The following TGFBR3 variants were observed in gnomAD, a reference collection of about 807,000 sequenced individuals.
TGFBR3 encodes transforming growth factor beta receptor 3.
Under a neutral mutation model 87.9 loss-of-function variants are expected in TGFBR3, and 46 were observed. That is an observed-to-expected ratio of 0.52 (90% CI 0.41 to 0.67). TGFBR3 has a LOEUF of 0.67. TGFBR3 is among the 30% of genes least tolerant of loss of function. The pLI, the probability that TGFBR3 is intolerant of heterozygous loss-of-function variation, is 0.00. For synonymous variants in TGFBR3, 381 were observed against 391.6 expected (o/e 0.97, Z 0.32); for missense variants, 866 against 1,041.9 (o/e 0.83, Z 2.32).
At chr1:91,782,812 C>T (rs761862800) in intron 3 of TGFBR3, among the ~76,000 whole-genome samples, 3 of 152,132 alleles carry the variant, frequency 2.0e-5, no homozygotes, top group Non-Finnish European at 2.9e-5. Context: ...CAAGGCACCT[C>T]GGTATGTGCT....
At chr1:91,781,028 C>T (rs1302385902) in intron 3 of TGFBR3, among the ~76,000 whole-genome samples, 1 of 150,768 alleles carries the variant, frequency 6.6e-6, no homozygotes, top group Admixed American at 6.6e-5. Flanking sequence ...ACAAGGCACA[C>T]AACAAGGAGG....
chr1:91,839,429 T>C (rs753640339), intron 2 of TGFBR3, among the ~76,000 whole-genome samples: 2 of 152,224 alleles, frequency 1.3e-5, no homozygotes, highest in Non-Finnish European at 2.9e-5. Flanking sequence ...AATCCTTTGC[T>C]TTCCCCAAAA....
chr1:91,733,025 T>C (rs952493658), intron 5 of TGFBR3, among the ~76,000 whole-genome samples: 1 of 152,224 alleles, frequency 6.6e-6, no homozygotes, highest in African/African-American at 2.4e-5. Context: ...GGCCAGGGCT[T>C]AGAGTCTTTA....
chr1:91,785,113 G>A (rs892995662), intron 3 of TGFBR3, among the ~76,000 whole-genome samples: 4 of 152,082 alleles, frequency 2.6e-5, no homozygotes, highest in Non-Finnish European at 5.9e-5. Flanking sequence ...AACAAAACAT[G>A]GTATAGCCAC....
intron 7 of TGFBR3, among the ~76,000 whole-genome samples, chr1:91,724,248 A>C (rs1432069499): frequency 6.6e-6 from 1 of 152,228 alleles, no homozygotes. Context: ...AGAGGAAGGA[A>C]GGAAGGAAAG....
At chr1:91,718,211 C>T (rs1672243334) in intron 10 of TGFBR3, among the ~76,000 whole-genome samples, 3 of 152,166 alleles carry the variant, frequency 2.0e-5, no homozygotes, top group South Asian at 2.1e-4. Context: ...GTCTTTTTAA[C>T]TTCTTGGAGT....
chr1:91,698,394 G>A (rs1671502442), intron 14 of TGFBR3, among the ~76,000 whole-genome samples: 1 of 151,996 alleles, frequency 6.6e-6, no homozygotes, highest in Non-Finnish European at 1.5e-5. Flanking sequence ...GGGAATTTGG[G>A]TCCGACAATT....
At chr1:91,898,490 G>C (rs957051939) in intron 2 of TGFBR3, among the ~76,000 whole-genome samples, 18 of 152,118 alleles carry the variant, frequency 1.2e-4, no homozygotes, top group African/African-American at 4.3e-4. Flanking sequence ...AGGCTGGAGT[G>C]CAGTGGCGCG....
In TGFBR3 at chr1:91,851,722, G is replaced by A. The variant is rs369682797; in HGVS notation, c.61+9749C>T. Among the ~76,000 whole-genome samples the A allele has an allele frequency of 1.3e-3, 203 of 152,330 alleles. 3 individuals are homozygous for A. The South Asian group carries it at 0.018, about 14-fold the overall frequency. On this transcript the variant is annotated intron_variant, in intron 2 of 16. Transcript: ENST00000212355. ...TGTCTTGATGGAAGTGTTGATCACT[G>A]TAAAACACACCATCACTGCTGTCCT...
intron 2 of TGFBR3, among the ~76,000 whole-genome samples, chr1:91,895,840 C>G (rs903184889): frequency 6.6e-6 from 1 of 152,100 alleles, no homozygotes. Context: ...TGTAAATAGC[C>G]CTGCTGTTCA....
At chr1:91,708,542 A>G in intron 14 of TGFBR3, 121 bp downstream of exon 14, 1 of 1,529,652 alleles carries the variant, frequency 6.5e-7, no homozygotes, top group Non-Finnish European at 9.0e-7. Context: ...TGGTCTTCTA[A>G]AGTAACTAAC....
chr1:91,886,636 T>G (rs1374629769), upstream of TGFBR3, among the ~76,000 whole-genome samples: 1 of 152,182 alleles, frequency 6.6e-6, no homozygotes, highest in Non-Finnish European at 1.5e-5. Context: ...CACAGCCTCT[T>G]GCCCTCTCCC....
chr1:91,854,493 G>A (rs1677863028), intron 2 of TGFBR3, among the ~76,000 whole-genome samples: 1 of 151,996 alleles, frequency 6.6e-6, no homozygotes, highest in South Asian at 2.1e-4. Flanking sequence ...AAGAAACTGT[G>A]ACCACCTCAC....
intron 4 of TGFBR3, among the ~76,000 whole-genome samples, chr1:91,752,976 G>A (rs1170501997): frequency 2.7e-5 from 4 of 148,256 alleles, no homozygotes; most frequent in Admixed American, 1.3e-4. Context: ...ACAGTGAGCC[G>A]AGATCATGCC....
At chr1:91,760,667 T>C (rs1031197723) in intron 3 of TGFBR3, among the ~76,000 whole-genome samples, 2 of 152,216 alleles carry the variant, frequency 1.3e-5, no homozygotes, top group Non-Finnish European at 2.9e-5. Context: ...CATTTTTATA[T>C]CTGGCATAAG....
Position 91,803,271 on chromosome 1 carries a change from T to C in TGFBR3, c.62-5800A>G, listed in dbSNP as rs146288281. 8.2e-3 allele frequency among the ~76,000 whole-genome samples: 1,256 copies of C among 152,290 alleles called. 19 individuals carry two copies. The highest frequency in any genetic ancestry group is 0.028 in the African/African-American group (1,174 of 41,548). On this transcript the variant is annotated intron_variant, in intron 2 of 16. Coordinates refer to ENST00000212355, the MANE Select transcript of TGFBR3 (RefSeq NM_003243.5). ...CCCTATAGCCATCATTCTCCTTTCTTCAAGTGCCAGCTGGACACACAGCCA... is the reference window on the plus strand; with the variant it reads ...CCCTATAGCCATCATTCTCCTTTCTCCAAGTGCCAGCTGGACACACAGCCA...
intron 3 of TGFBR3, among the ~76,000 whole-genome samples, chr1:91,784,378 C>T (rs139545978): frequency 2.2e-3 from 333 of 152,250 alleles, no homozygotes; most frequent in African/African-American, 7.7e-3. Context: ...TGGTGCCATG[C>T]AATAACCCAA....
chr1:91,692,274 C>T (rs1347090140), intron 16 of TGFBR3, among the ~76,000 whole-genome samples: 3 of 152,060 alleles, frequency 2.0e-5, no homozygotes, highest in Admixed American at 6.5e-5. Flanking sequence ...AGTCAAAAAG[C>T]AGCAATATAC....
intron 2 of TGFBR3, chr1:91,800,975 CA>C: frequency 4.6e-6 from 1 of 215,390 alleles, no homozygotes; most frequent in Non-Finnish European, 9.8e-6. Flanking sequence ...TCCTAGTACT[CA>C]GGAGGCTGAG....
Sources: gnomAD v4.1 joint callset for allele counts (sites outside exome capture counted in the v4.1 genomes callset) on GRCh38, gnomAD v4.1.1 for gene constraint, MANE v1.5 for transcripts, NCBI Gene and HGNC (gene_info 2026-07-23, HGNC 2026-07-21) for gene names.